RNF216: variants seen among roughly 807,000 people sequenced by gnomAD.
RNF216 encodes the protein ring finger protein 216, also known as E3 ubiquitin-protein ligase RNF216.
In RNF216, 72 loss-of-function variants were observed where a neutral mutation model predicts 110.8. The observed-to-expected ratio is 0.65, with a 90% CI of 0.54 to 0.79. The LOEUF is 0.79. RNF216 is among the 30% of genes least tolerant of loss of function. RNF216 has a pLI of 0.00. For synonymous variants in RNF216, 495 were observed against 407.5 expected (o/e 1.21, Z -2.59); for missense variants, 1,342 against 1,141.2 (o/e 1.18, Z -2.54).
At chr7:5,757,420 G>GTA (rs1197266096) in intron 2 of RNF216, among the ~76,000 whole-genome samples, 2 of 151,860 alleles carry the variant, frequency 1.3e-5, no homozygotes, top group Non-Finnish European at 2.9e-5. Context: ...TTTTGTGTGT[G>GTA]TGTGTGGCTA....
At chr7:5,730,154 G>A (rs1156255734) in intron 6 of RNF216, among the ~76,000 whole-genome samples, 1 of 152,222 alleles carries the variant, frequency 6.6e-6, no homozygotes, top group African/African-American at 2.4e-5. Flanking sequence ...TCTGGGTAAT[G>A]ACCTGCATGC....
At chr7:5,704,618 G>A (rs1290350856) in intron 13 of RNF216, among the ~76,000 whole-genome samples, 1 of 152,194 alleles carries the variant, frequency 6.6e-6, no homozygotes, top group Non-Finnish European at 1.5e-5. Flanking sequence ...CACCCAAGAG[G>A]AAGAAAACCC....
intron 8 of RNF216, among the ~76,000 whole-genome samples, chr7:5,723,686 A>C (rs972196657): frequency 7.2e-5 from 11 of 152,160 alleles, no homozygotes; most frequent in Non-Finnish European, 1.5e-4. Flanking sequence ...TTAAGTCTAC[A>C]AACTTCCCTC....
At position 5,642,201 on chromosome 7, in the gene RNF216, C is replaced by T. The variant is rs1461050629; in HGVS notation, c.2160-825G>A. ...GAAGACACTACTCAACGTTCTACAA[C>T]TCAAGGTTCTGTTTTGTTTTTTTTT... On this transcript the variant is annotated intron_variant, in intron 14 of 16. Transcript: ENST00000389902. 2.0e-5 allele frequency among the ~76,000 whole-genome samples: 3 copies of T among 151,424 alleles called. No homozygotes were observed. The East Asian group carries it at 5.8e-4, about 29-fold the overall frequency.
At chr7:5,773,210 T>G (rs1469057090) in intron 1 of RNF216, among the ~76,000 whole-genome samples, 1 of 152,264 alleles carries the variant, frequency 6.6e-6, no homozygotes, top group African/African-American at 2.4e-5. Context: ...AAATTTGAAC[T>G]GCATCTAATC....
chr7:5,697,989 T>C (rs1791732990), intron 13 of RNF216, among the ~76,000 whole-genome samples: 1 of 152,220 alleles, frequency 6.6e-6, no homozygotes, highest in South Asian at 2.1e-4. Context: ...GGCTAGAATC[T>C]GGATCAGCTT....
chr7:5,756,092 C>T (rs1420083055), intron 2 of RNF216, among the ~76,000 whole-genome samples: 1 of 148,062 alleles, frequency 6.8e-6, no homozygotes, highest in African/African-American at 2.4e-5. Context: ...GGGGCAGTTT[C>T]CCCCATTCTG....
intron 13 of RNF216, among the ~76,000 whole-genome samples, chr7:5,698,654 A>G (rs1414231572): frequency 6.6e-6 from 1 of 152,094 alleles, no homozygotes; most frequent in Non-Finnish European, 1.5e-5. Flanking sequence ...TCATTCTCCC[A>G]AAGTGCTGGA....
At chr7:5,626,545 T>A (rs1786716540) in intron 15 of RNF216, among the ~76,000 whole-genome samples, 1 of 151,936 alleles carries the variant, frequency 6.6e-6, no homozygotes, top group African/African-American at 2.4e-5. Context: ...AGTGAGATCC[T>A]ATCTCTACAA....
intron 13 of RNF216, among the ~76,000 whole-genome samples, chr7:5,685,814 A>C (rs989212286): frequency 6.6e-6 from 1 of 152,258 alleles, no homozygotes; most frequent in Non-Finnish European, 1.5e-5. Context: ...CATGCCTTGT[A>C]ATTAAATATG....
At position 5,621,688 on chromosome 7, in the gene RNF216, C is replaced by A. The variant is rs988620143; in HGVS notation, c.*1172G>T. ...CCATGGCAACACGACAAGGACAAGGCAGGGCATGAGGAGGAGGAGAAAGTG... is the reference window on the plus strand; with the variant it reads ...CCATGGCAACACGACAAGGACAAGGAAGGGCATGAGGAGGAGGAGAAAGTG... On this transcript the variant is annotated 3_prime_UTR_variant, in exon 17 of 17. Coordinates refer to ENST00000389902, the MANE Select transcript of RNF216 (RefSeq NM_207111.4). The A allele has an allele frequency of 6.5e-6, 1 of 152,694 alleles. No homozygotes were observed. The highest frequency in any genetic ancestry group is 1.9e-4 in the East Asian group (1 of 5,196). The allele number at this position is 152,694 out of a possible 1,614,324, so 9.5% of individuals were successfully genotyped here. A position where few individuals can be genotyped will look rare whatever the true frequency, so the allele number is the denominator to read the frequency against.
intron 13 of RNF216, among the ~76,000 whole-genome samples, chr7:5,711,252 C>T (rs577054061): frequency 6.6e-6 from 1 of 152,328 alleles, no homozygotes; most frequent in Non-Finnish European, 1.5e-5. Flanking sequence ...GACAGCTCTG[C>T]TCCCACGTAA....
At chr7:5,755,875 A>C (rs1203121674) in intron 2 of RNF216, among the ~76,000 whole-genome samples, 3 of 152,188 alleles carry the variant, frequency 2.0e-5, no homozygotes, top group African/African-American at 4.8e-5. Context: ...CAAATTTTCC[A>C]AATTGTACCA....
intron 3 of RNF216, among the ~76,000 whole-genome samples, chr7:5,750,851 C>T (rs555997854): frequency 1.3e-4 from 20 of 152,356 alleles, no homozygotes; most frequent in African/African-American, 3.8e-4. Flanking sequence ...CTGCACTCCC[C>T]GCTTTAATTT....
chr7:5,773,621 G>A (rs1166561848), intron 1 of RNF216, among the ~76,000 whole-genome samples: 4 of 152,180 alleles, frequency 2.6e-5, no homozygotes, highest in African/African-American at 7.2e-5. Context: ...AGGCTGGAGT[G>A]CAGTGGCACG....
chr7:5,776,757 T>A (rs1191874178), intron 1 of RNF216, among the ~76,000 whole-genome samples: 1 of 150,342 alleles, frequency 6.7e-6, no homozygotes. Context: ...AAAAATTAGC[T>A]GGGTGTGGTG....
rs59222276 is a variant in RNF216, at chr7:5,686,138, G to T, written c.2061+25623C>A. Among the ~76,000 whole-genome samples the T allele has an allele frequency of 5.6e-3, 846 of 150,426 alleles. 10 individuals are homozygous for T. Among genetic ancestry groups the T allele is most frequent in the African/African-American group, 0.02 (800 of 40,698 alleles). On this transcript the variant is annotated intron_variant, in intron 13 of 16. Coordinates refer to ENST00000389902, the MANE Select transcript of RNF216 (RefSeq NM_207111.4). ...TTCGGGAGGCTGAGGCAGGAGAATCGCTTGAATCCAGAAGGCAGAGGTTGC... is the reference window on the plus strand; with the variant it reads ...TTCGGGAGGCTGAGGCAGGAGAATCTCTTGAATCCAGAAGGCAGAGGTTGC...
chr7:5,707,921 T>C (rs1046379262), intron 13 of RNF216, among the ~76,000 whole-genome samples: 3 of 152,114 alleles, frequency 2.0e-5, no homozygotes, highest in African/African-American at 4.8e-5. Flanking sequence ...GAGACAGAGT[T>C]TTGCCATGTT....
chr7:5,627,752 A>C (rs1348871165), intron 15 of RNF216, among the ~76,000 whole-genome samples: 1 of 151,920 alleles, frequency 6.6e-6, no homozygotes, highest in Non-Finnish European at 1.5e-5. Context: ...TCTAAAAAAA[A>C]AAAAAAGACT....
Sources: gnomAD v4.1 joint callset for allele counts (sites outside exome capture counted in the v4.1 genomes callset) on GRCh38, gnomAD v4.1.1 for gene constraint, MANE v1.5 for transcripts, NCBI Gene and HGNC (gene_info 2026-07-23, HGNC 2026-07-21) for gene names.